Variants in DYNLRB2 observed in about 807,000 individuals in gnomAD.
DYNLRB2 encodes bithoraxoid-like protein.
Under a neutral mutation model 12.6 loss-of-function variants are expected in DYNLRB2, and 14 were observed. The observed-to-expected ratio is 1.11, with a 90% CI of 0.73 to 1.73. The LOEUF (loss-of-function observed/expected upper bound fraction) is 1.73. Ranked by LOEUF, DYNLRB2 falls within the 40% of genes most tolerant of loss-of-function variation. The pLI is 0.00. For synonymous variants in DYNLRB2, 53 were observed against 37.0 expected, an observed-to-expected ratio of 1.43 and a Z score of -1.57; for missense variants, 142 against 117.7, an observed-to-expected ratio of 1.21 and a Z score of -0.95.
intron 2 of DYNLRB2, 94 bp from the exon 3 acceptor site, chr16:80,549,390 C>A: frequency 7.8e-7 from 1 of 1,280,976 alleles, no homozygotes; most frequent in South Asian, 2.0e-5. Flanking sequence ...TTTTTCTCTT[C>A]TTTACAACTA....
chr16:80,541,230 G>C, intron 1 of DYNLRB2, 151 bp downstream of exon 1: 1 of 1,429,290 alleles, frequency 7.0e-7, no homozygotes, highest in African/African-American at 1.4e-5. Flanking sequence ...GGAGGGGCGA[G>C]AGGGAGACCT....
intron 1 of DYNLRB2, among the ~76,000 whole-genome samples, 161 bp from the exon 2 acceptor site, chr16:80,543,115 C>G (rs956751511): frequency 6.6e-6 from 1 of 152,184 alleles, no homozygotes; most frequent in Non-Finnish European, 1.5e-5. Context: ...TTATGTGGGA[C>G]TTGACAATTT....
chr16:80,543,818 A>C (rs939306192), intron 2 of DYNLRB2, among the ~76,000 whole-genome samples: 4 of 152,240 alleles, frequency 2.6e-5, no homozygotes, highest in Non-Finnish European at 4.4e-5. Flanking sequence ...ATCATTTATA[A>C]TATAGTCTTT....
chr16:80,542,896 G>C (rs1904301420), intron 1 of DYNLRB2, among the ~76,000 whole-genome samples: 1 of 152,206 alleles, frequency 6.6e-6, no homozygotes, highest in African/African-American at 2.4e-5. Context: ...CTGTAATGTA[G>C]AAAAGGAATT....
intron 3 of DYNLRB2, among the ~76,000 whole-genome samples, chr16:80,550,225 C>G (rs1342985913): frequency 1.3e-5 from 2 of 152,180 alleles, no homozygotes; most frequent in East Asian, 3.8e-4. Flanking sequence ...AAGTTTTTTC[C>G]TACACCAGTG....
Position 80,541,035 on chromosome 16 carries a change from G to C in DYNLRB2, c.-42G>C. The stretch of plus-strand genomic sequence containing the variant: ...GGTAGCGTTGTTGACATCCCGGGAG[G>C]CTGTGCCGCCGGCCTGAGCCCAGAG... On this transcript the variant is annotated 5_prime_UTR_variant, in exon 1 of 4. Transcript: ENST00000305904. 1 of 1,602,614 alleles carries C rather than the reference G, an allele frequency of 6.2e-7. No individual in the cohort carries two copies. Among genetic ancestry groups the C allele is most frequent in the Non-Finnish European group, 8.5e-7 (1 of 1,173,074 alleles).
intron 1 of DYNLRB2, 54 bp from the exon 2 acceptor site, chr16:80,543,222 G>A (rs1289507249): frequency 3.8e-6 from 6 of 1,559,112 alleles, no homozygotes; most frequent in Admixed American, 1.7e-5. Context: ...TTCTCCTTAG[G>A]GTTGAAGTTA....
At chr16:80,541,165 C>T (rs1203251883) in intron 1 of DYNLRB2, 86 bp downstream of exon 1, 3 of 1,515,742 alleles carry the variant, frequency 2.0e-6, no homozygotes, top group East Asian at 2.4e-5. Context: ...GGGGCCCACC[C>T]AGGCACGGGC....
At position 80,543,247 on chromosome 16, in the gene DYNLRB2, T is replaced by A. The variant is rs753765981; in HGVS notation, c.4-29T>A. The A allele has an allele frequency of 3.6e-5, 58 of 1,612,416 alleles. No individual in the cohort carries two copies. In the East Asian group the frequency reaches 1.2e-3, roughly 33 times the overall value. ...GGTTGAAGTTACCACAGGGCCCTTT[T>A]GGTTAATTATCTTCCTGGTCTCTTT... On this transcript the variant is annotated intron_variant, in intron 1 of 3. Transcript: ENST00000305904.
upstream of DYNLRB2, chr16:80,540,855 G>C (rs750981612): frequency 2.5e-6 from 2 of 786,760 alleles, no homozygotes; most frequent in Non-Finnish European, 2.2e-6. Flanking sequence ...CGAACCTCAG[G>C]TGAGCGCCTG....
At chr16:80,540,915 G>T (rs1253842041), upstream of DYNLRB2, 4 of 1,312,714 alleles carry the variant, frequency 3.0e-6, no homozygotes, top group Non-Finnish European at 3.2e-6. Flanking sequence ...GGCATCAGGA[G>T]CGCGGTCAGG....
intron 1 of DYNLRB2, among the ~76,000 whole-genome samples, chr16:80,542,955 A>G (rs1316835811): frequency 6.6e-6 from 1 of 152,226 alleles, no homozygotes; most frequent in African/African-American, 2.4e-5. Context: ...TCTGGGACAA[A>G]TTTCCATGCA....
chr16:80,543,552 T>C (rs1904309390), intron 2 of DYNLRB2, among the ~76,000 whole-genome samples: 1 of 152,254 alleles, frequency 6.6e-6, no homozygotes, highest in South Asian at 2.1e-4. Flanking sequence ...GGCATAAATA[T>C]GAATAAGACA....
upstream of DYNLRB2, chr16:80,540,756 C>G (rs887531732): frequency 1.4e-6 from 1 of 702,724 alleles, no homozygotes; most frequent in African/African-American, 1.7e-5. Context: ...TTAATTCGTG[C>G]CTCAATGAAT....
In DYNLRB2 at chr16:80,541,041, C is replaced by A; in HGVS notation, c.-36C>A. The A allele has an allele frequency of 6.2e-7, 1 of 1,604,268 alleles. No individual in the cohort carries two copies. The highest frequency in any genetic ancestry group is 8.5e-7 in the Non-Finnish European group (1 of 1,174,370). On this transcript the variant is annotated 5_prime_UTR_variant, in exon 1 of 4. Transcript: ENST00000305904. Reference sequence around the variant, plus strand: ...GTTGTTGACATCCCGGGAGGCTGTGCCGCCGGCCTGAGCCCAGAGTTTCGC... The same window carrying A: ...GTTGTTGACATCCCGGGAGGCTGTGACGCCGGCCTGAGCCCAGAGTTTCGC...
chr16:80,540,915 G>A (rs1253842041), upstream of DYNLRB2: 10 of 1,312,714 alleles, frequency 7.6e-6, no homozygotes, highest in Non-Finnish European at 1.1e-5. Flanking sequence ...GGCATCAGGA[G>A]CGCGGTCAGG....
At chr16:80,541,625 C>G (rs1394094563) in intron 1 of DYNLRB2, among the ~76,000 whole-genome samples, 1 of 129,808 alleles carries the variant, frequency 7.7e-6, no homozygotes, top group Non-Finnish European at 1.6e-5. Flanking sequence ...CTGTGGAAAG[C>G]AAAGGGCGTT....
At position 80,543,855 on chromosome 16, in the gene DYNLRB2, ATATTTCCAAC is replaced by A. The variant is rs1904314269; in HGVS notation, c.79+508_79+517del. Among the ~76,000 whole-genome samples the A allele has an allele frequency of 2.0e-5, 3 of 152,338 alleles. No homozygotes were observed. In the South Asian group the frequency reaches 6.2e-4, roughly 32 times the overall value. ...TGGATATAGCATAAGAAGGCCCTAC[ATATTTCCAAC>A]TATGAAATCTGTAGACTTACCAGAA... is the stretch of plus-strand genomic sequence containing the variant. On this transcript the variant is annotated intron_variant, in intron 2 of 3. Transcript: ENST00000305904.
At chr16:80,547,050 C>T (rs74383655) in intron 2 of DYNLRB2, among the ~76,000 whole-genome samples, 2,911 of 152,266 alleles carry the variant, frequency 0.019, 85 homozygotes, top group African/African-American at 0.066. Context: ...AGGACATATT[C>T]TGTAGCCTTG....
Sources: allele counts gnomAD v4.1 joint callset (sites outside exome capture counted in the v4.1 genomes callset), GRCh38; gene constraint gnomAD v4.1.1; transcripts MANE v1.5; gene names NCBI Gene and HGNC (gene_info 2026-07-23, HGNC 2026-07-21).